Variants in CBLL1 observed in about 807,000 individuals in gnomAD.
CBLL1 encodes the protein E3 ubiquitin-protein ligase Hakai.
Under a neutral mutation model 44.9 loss-of-function variants are expected in CBLL1, and 4 were observed. That is an observed-to-expected ratio of 0.09 (90% CI 0.04 to 0.20). The LOEUF (loss-of-function observed/expected upper bound fraction) is 0.20. CBLL1 is among the 10% of genes least tolerant of loss of function. CBLL1 has a pLI of 1.00. For synonymous variants in CBLL1, 235 were observed against 202.2 expected, an observed-to-expected ratio of 1.16 and a Z score of -1.38; for missense variants, 569 against 636.7, an observed-to-expected ratio of 0.89 and a Z score of 1.14.
intron 2 of CBLL1, chr7:107,752,419 T>G: frequency 5.6e-6 from 2 of 357,214 alleles, no homozygotes; most frequent in Non-Finnish European, 5.4e-6. Flanking sequence ...TGCATCATTG[T>G]TTGTGTGTTA....
At position 107,759,276 on chromosome 7, in the gene CBLL1, T is replaced by C. The variant is rs1033747510; in HGVS notation, c.*98T>C. The C allele has an allele frequency of 9.5e-6, 10 of 1,056,924 alleles. No individual in the cohort carries two copies. The East Asian group carries it at 9.6e-5, about 10-fold the overall frequency. 65.5% of individuals were successfully genotyped at this position (1,056,924 alleles called of 1,614,324 possible). A position where few individuals can be genotyped will look rare whatever the true frequency, so the allele number is the denominator to read the frequency against. ...TTTTGGGAAGGAAGAGTACCTCTTA[T>C]CGAGGTAGTATAAAACACATAGGGT... On this transcript the variant is annotated 3_prime_UTR_variant, in exon 6 of 6. Coordinates refer to ENST00000440859, the MANE Select transcript of CBLL1 (RefSeq NM_024814.4).
At chr7:107,755,291 A>C in intron 4 of CBLL1, 127 bp from the exon 5 acceptor site, 1 of 354,658 alleles carries the variant, frequency 2.8e-6, no homozygotes, top group East Asian at 4.9e-5. Context: ...TTAGTACTTA[A>C]TAAATGTTCA....
chr7:107,758,871 ATAT>A lies in CBLL1; in HGVS notation c.1174_1176del (p.Ile392del). 2.5e-6 allele frequency: 4 copies of A among 1,613,936 alleles called. No homozygotes were observed. Among genetic ancestry groups the A allele is most frequent in the Non-Finnish European group, 2.5e-6 (3 of 1,179,956 alleles). On this transcript the variant is annotated inframe_deletion, in exon 6 of 6. Coordinates refer to ENST00000440859, the MANE Select transcript of CBLL1 (RefSeq NM_024814.4). The surrounding 1 kb of genome is among the most constrained non-coding windows in gnomAD (Gnocchi z 4.2). ...CCACCAATAACCCCTCCCCCTGGAC[ATAT>A]TATTGCCCAGATGCCACCTTATATG...
Position 107,758,874 on chromosome 7 carries a change from T to C in CBLL1, c.1172T>C (p.Ile391Thr). The C allele has an allele frequency of 6.2e-7, 1 of 1,613,876 alleles. No individual in the cohort carries two copies. Among genetic ancestry groups the C allele is most frequent in the Non-Finnish European group, 8.5e-7 (1 of 1,179,930 alleles). ...PPPITPPPGH[I>T]IAQMPPYMNH... The stretch of plus-strand genomic sequence containing the variant: ...CCAATAACCCCTCCCCCTGGACATA[T>C]TATTGCCCAGATGCCACCTTATATG... The change falls in exon 6 of 6, where the codon ATT becomes ACT. Residue 391 changes from isoleucine (I) to threonine (T), a missense_variant. By Grantham distance (89) the Ile-to-Thr change is moderately conservative. Coordinates refer to ENST00000440859, the MANE Select transcript of CBLL1 (RefSeq NM_024814.4). The surrounding 1 kb of genome is among the most constrained non-coding windows in gnomAD (Gnocchi z 4.2).
chr7:107,753,642 A>C (rs2049215158), intron 3 of CBLL1, 131 bp downstream of exon 3: 2 of 581,326 alleles, frequency 3.4e-6, no homozygotes, highest in Non-Finnish European at 5.8e-6. Context: ...TTTTCAGCAC[A>C]TACAAATCAT....
At position 107,758,862 on chromosome 7, in the gene CBLL1, C is replaced by A. The variant is rs1793649973; in HGVS notation, c.1160C>A (p.Pro387His). 6.2e-6 allele frequency: 10 copies of A among 1,614,040 alleles called. No individual in the cohort carries two copies. Among genetic ancestry groups the A allele is most frequent in the Non-Finnish European group, 8.5e-6 (10 of 1,179,978 alleles). Residue 387 changes from proline (P) to histidine (H), a missense_variant, in exon 6 of 6, where the codon CCC becomes CAC. Physicochemically the swap from Pro to His is moderately conservative, Grantham distance 77. This residue lies in a region of CBLL1 where 228 missense variants were observed against 253.2 expected (regional missense o/e 0.90). Coordinates refer to ENST00000440859, the MANE Select transcript of CBLL1 (RefSeq NM_024814.4). This position sits in a 1 kb window ranked among gnomAD's most constrained non-coding sequence, Gnocchi z 4.2. Reference protein sequence around the residue: ...MTSAPPPITPPPGHIIAQMPP... With the variant: ...MTSAPPPITPHPGHIIAQMPP... ...TCTGCTCCACCACCAATAACCCCTC[C>A]CCCTGGACATATTATTGCCCAGATG...
At chr7:107,754,641 A>G (rs1793447318) in intron 4 of CBLL1, among the ~76,000 whole-genome samples, 1 of 152,204 alleles carries the variant, frequency 6.6e-6, no homozygotes, top group African/African-American at 2.4e-5. Flanking sequence ...TGTGCTTCTA[A>G]CATCATTTAA....
chr7:107,744,488 C>T, intron 1 of CBLL1: 1 of 388,098 alleles, frequency 2.6e-6, no homozygotes. Flanking sequence ...TTATTTAGCC[C>T]AGCTGCTCTG....
intron 2 of CBLL1, among the ~76,000 whole-genome samples, chr7:107,749,601 CTTTT>C (rs35477663): frequency 1.4e-5 from 2 of 138,542 alleles, no homozygotes; most frequent in Non-Finnish European, 3.1e-5. Context: ...CAGATTTGGC[CTTTT>C]TTTTTTTTTT....
chr7:107,755,637 T>C (rs1194816457), intron 5 of CBLL1, 146 bp downstream of exon 5: 3 of 415,860 alleles, frequency 7.2e-6, no homozygotes, highest in East Asian at 7.6e-5. Flanking sequence ...GAGCCCAGCT[T>C]GTGTTAGGTT....
At chr7:107,746,040 G>T (rs1316231700) in intron 1 of CBLL1, among the ~76,000 whole-genome samples, 8 of 152,188 alleles carry the variant, frequency 5.3e-5, no homozygotes, top group African/African-American at 1.9e-4. Context: ...TAAGAAGGGT[G>T]TGTTCAGAGG....
chr7:107,755,375 A>G (rs770699215), intron 4 of CBLL1, 43 bp from the exon 5 acceptor site: 3 of 1,100,978 alleles, frequency 2.7e-6, no homozygotes, highest in East Asian at 2.7e-5. Context: ...TAAAAATATT[A>G]TAAGTTCTAA....
Position 107,758,350 on chromosome 7 carries a change from C to T in CBLL1, c.648C>T (p.Ile216=). The T allele has an allele frequency of 6.2e-7, 1 of 1,614,112 alleles. No homozygotes were observed. Among genetic ancestry groups the T allele is most frequent in the Non-Finnish European group, 8.5e-7 (1 of 1,180,022 alleles). The stretch of plus-strand genomic sequence containing the variant: ...CTATTGCCCCACCACCAACTGAAAT[C>T]CCTGAGCGTTTTATAATGCCACCAG... The part of the protein sequence containing the change: ...HPPIAPPPTE[I]PERFIMPPDK... Residue 216 remains isoleucine, a synonymous_variant, in exon 6 of 6, where the codon ATC becomes ATT. Coordinates refer to ENST00000440859, the MANE Select transcript of CBLL1 (RefSeq NM_024814.4). This position sits in a 1 kb window ranked among gnomAD's most constrained non-coding sequence, Gnocchi z 4.2.
Position 107,759,205 on chromosome 7 carries a change from AG to A in CBLL1, c.*32del. 6.5e-7 allele frequency: 1 copy of A among 1,539,960 alleles called. No homozygotes were observed. Among genetic ancestry groups the A allele is most frequent in the Non-Finnish European group, 8.7e-7 (1 of 1,144,638 alleles). ...AATAGTATTTTGAATGGAAGATATG[AG>A]GGGGAAAAAAACTTATGTGTAGTCA... On this transcript the variant is annotated 3_prime_UTR_variant, in exon 6 of 6. Transcript: ENST00000440859.
chr7:107,759,228 G>A lies in CBLL1; in HGVS notation c.*50G>A, dbSNP rs149258520. On this transcript the variant is annotated 3_prime_UTR_variant, in exon 6 of 6. Transcript: ENST00000440859. Reference sequence around the variant, plus strand: ...TGAGGGGGAAAAAAACTTATGTGTAGTCAATCTTTTAAGCTTTGACTGTTT... The same window carrying A: ...TGAGGGGGAAAAAAACTTATGTGTAATCAATCTTTTAAGCTTTGACTGTTT... 220 of 1,477,278 alleles carry A rather than the reference G, an allele frequency of 1.5e-4. No individual in the cohort carries two copies. The African/African-American group carries it at 2.3e-3, about 16-fold the overall frequency. The allele number at this position is 1,477,278 out of a possible 1,614,324, so 91.5% of individuals were successfully genotyped here. A position where few individuals can be genotyped will look rare whatever the true frequency, so the allele number is the denominator to read the frequency against.
intron 2 of CBLL1, 74 bp downstream of exon 2, chr7:107,749,121 A>T (rs1047389680): frequency 2.2e-5 from 29 of 1,331,442 alleles, no homozygotes; most frequent in Non-Finnish European, 3.0e-5. Context: ...GTGTGATCTT[A>T]TAGCTACCTC....
At position 107,758,448 on chromosome 7, in the gene CBLL1, C is replaced by T; in HGVS notation, c.746C>T (p.Pro249Leu). 1 of 1,614,142 alleles carries T rather than the reference C, an allele frequency of 6.2e-7. No homozygotes were observed. The highest frequency in any genetic ancestry group is 8.5e-7 in the Non-Finnish European group (1 of 1,180,026). ...MMPPPPLQHV[P>L]HEHYNQPHED... The stretch of plus-strand genomic sequence containing the variant: ...CCACCACCTCCTTTGCAACATGTGC[C>T]ACATGAGCACTATAATCAGCCACAT... The change falls in exon 6 of 6, where the codon CCA becomes CTA. Residue 249 changes from proline to leucine, a missense_variant. This residue lies in a region of CBLL1 where 111 missense variants were observed against 113.0 expected (regional missense o/e 0.98). Transcript: ENST00000440859. This position sits in a 1 kb window ranked among gnomAD's most constrained non-coding sequence, Gnocchi z 4.2.
chr7:107,745,549 A>G (rs1368949701), intron 1 of CBLL1, among the ~76,000 whole-genome samples: 1 of 152,252 alleles, frequency 6.6e-6, no homozygotes, highest in Non-Finnish European at 1.5e-5. Context: ...ATATGAAGCC[A>G]TTGAACAGAA....
At chr7:107,745,277 T>G (rs1792956293) in intron 1 of CBLL1, among the ~76,000 whole-genome samples, 2 of 152,168 alleles carry the variant, frequency 1.3e-5, no homozygotes, top group Non-Finnish European at 2.9e-5. Context: ...AGGACGAAAT[T>G]TCAGAGAGGG....
Sources: gnomAD v4.1 joint callset for allele counts (sites outside exome capture counted in the v4.1 genomes callset) on GRCh38, gnomAD v4.1.1 for gene constraint, gnomAD v4.1.1 regional missense constraint, Gnocchi (gnomAD v3.1) non-coding constraint, MANE v1.5 for transcripts, NCBI Gene and HGNC (gene_info 2026-07-23, HGNC 2026-07-21) for gene names.